Variants in PAH observed in about 807,000 individuals in gnomAD.
PAH encodes the protein phenylalanine-4-hydroxylase.
A neutral mutation model predicts 62.0 loss-of-function variants in PAH; 64 were observed. That is an observed-to-expected ratio of 1.03 (90% CI 0.84 to 1.27). PAH has a LOEUF of 1.27. Ranked by LOEUF, PAH falls within the 50% of genes most tolerant of loss-of-function variation. The pLI, the probability that PAH is intolerant of heterozygous loss-of-function variation, is 0.00. For synonymous variants in PAH, 195 were observed against 196.2 expected (o/e 0.99, Z 0.05); for missense variants, 579 against 542.8 (o/e 1.07, Z -0.66).
intron 3 of PAH, among the ~76,000 whole-genome samples, chr12:102,884,642 G>C (rs1033401935): frequency 2.0e-5 from 3 of 152,160 alleles, no homozygotes; most frequent in Non-Finnish European, 4.4e-5. Context: ...TGTGGCATCA[G>C]TCCTTGCACC....
At position 102,838,435 on chromosome 12, in the gene PAH, TACCA is replaced by T. The variant is rs1214428391; in HGVS notation, c.*736_*739del. The T allele has an allele frequency of 6.6e-6, 1 of 152,222 alleles. No homozygotes were observed. The highest frequency in any genetic ancestry group is 1.5e-5 in the Non-Finnish European group (1 of 68,040). The allele number at this position is 152,222 out of a possible 1,614,324, so 9.4% of individuals were successfully genotyped here. A position where few individuals can be genotyped will look rare whatever the true frequency, so the allele number is the denominator to read the frequency against. On this transcript the variant is annotated 3_prime_UTR_variant, in exon 13 of 13. Transcript: ENST00000553106. ...ATTCAGTGAACATTTCCTGAATATC[TACCA>T]ACCAAGCCTTTAGTCAACATCTGCT...
At chr12:102,921,896 T>C (rs1878559160), upstream of PAH, among the ~76,000 whole-genome samples, 1 of 152,198 alleles carries the variant, frequency 6.6e-6, no homozygotes, top group Admixed American at 6.5e-5. Context: ...TTTTTTGCTG[T>C]ATTTTTATTT....
chr12:102,848,980 C>A (rs376210816), intron 8 of PAH, among the ~76,000 whole-genome samples: 12 of 151,902 alleles, frequency 7.9e-5, no homozygotes, highest in African/African-American at 2.4e-4. Context: ...CACCAGGAGA[C>A]TGGAGAGGCT....
At chr12:102,921,800 C>T, upstream of PAH, among the ~76,000 whole-genome samples, 1 of 152,164 alleles carries the variant, frequency 6.6e-6, no homozygotes, top group Non-Finnish European at 1.5e-5. Flanking sequence ...GGGATTTTCT[C>T]ACCATAGAGC....
intron 3 of PAH, among the ~76,000 whole-genome samples, chr12:102,894,236 T>C (rs1204025993): frequency 6.6e-6 from 1 of 152,132 alleles, no homozygotes; most frequent in African/African-American, 2.4e-5. Context: ...ATGGGTTTTG[T>C]TGAAAATTAG....
In PAH at chr12:102,874,490, C is replaced by T. The variant is rs541031411; in HGVS notation, c.441+2972G>A. On this transcript the variant is annotated intron_variant, in intron 4 of 12. Transcript: ENST00000553106. ...CACAGATGATGTTACACGGCCCTCT[C>T]CCTCTGAGATTTCTTATCTGAAAAT... Among the ~76,000 whole-genome samples the T allele has an allele frequency of 2.6e-5, 4 of 152,274 alleles. No homozygotes were observed. In the South Asian group the frequency reaches 8.3e-4, roughly 32 times the overall value.
chr12:102,869,274 A>T (rs1876199071), intron 4 of PAH, among the ~76,000 whole-genome samples: 1 of 152,166 alleles, frequency 6.6e-6, no homozygotes, highest in Non-Finnish European at 1.5e-5. Context: ...CTAATGTAAT[A>T]CTGTATACCC....
At chr12:102,852,707 C>A in intron 7 of PAH, 108 bp downstream of exon 7, 2 of 1,366,252 alleles carry the variant, frequency 1.5e-6, no homozygotes, top group African/African-American at 2.8e-5. Flanking sequence ...ACAGTCTAGA[C>A]AACTAGTCCT....
intron 2 of PAH, among the ~76,000 whole-genome samples, chr12:102,895,462 T>C (rs907581640): frequency 2.4e-4 from 36 of 152,148 alleles, no homozygotes; most frequent in Non-Finnish European, 3.7e-4. Context: ...GCTTCATAAG[T>C]TCATTGGGAG....
rs1057004052 is a variant in PAH at position 102,881,175 on chromosome 12, G to A, written c.353-3625C>T. 6.6e-5 allele frequency among the ~76,000 whole-genome samples: 10 copies of A among 150,986 alleles called. No individual in the cohort carries two copies. In the East Asian group the frequency reaches 1.6e-3, roughly 24 times the overall value. The stretch of plus-strand genomic sequence containing the variant: ...AATACAGGTGCGTGCCACCACACTC[G>A]GCTAATTTTTGTACTTTTAGTAGAG... On this transcript the variant is annotated intron_variant, in intron 3 of 12. Coordinates refer to ENST00000553106, the MANE Select transcript of PAH (RefSeq NM_000277.3).
intron 1 of PAH, among the ~76,000 whole-genome samples, chr12:102,929,437 G>A (rs1367912270): frequency 6.6e-6 from 1 of 152,138 alleles, no homozygotes; most frequent in East Asian, 1.9e-4. Context: ...CAGGCAGAAG[G>A]AATAGCATGA....
At chr12:102,864,889 C>T (rs776013953) in intron 5 of PAH, among the ~76,000 whole-genome samples, 1 of 151,176 alleles carries the variant, frequency 6.6e-6, no homozygotes, top group African/African-American at 2.4e-5. Flanking sequence ...AAAAAGAGCA[C>T]CGAAAGCTTA....
intron 1 of PAH, among the ~76,000 whole-genome samples, chr12:102,946,957 C>T (rs180865354): frequency 7.9e-5 from 12 of 152,004 alleles, no homozygotes; most frequent in African/African-American, 2.9e-4. Flanking sequence ...TGTTCTGATG[C>T]CTTTTATACG....
intron 1 of PAH, among the ~76,000 whole-genome samples, chr12:102,934,093 A>T (rs1408697847): frequency 6.6e-6 from 1 of 151,812 alleles, no homozygotes; most frequent in African/African-American, 2.4e-5. Flanking sequence ...TTTTGATTTG[A>T]TTTTTTAATA....
intron 11 of PAH, among the ~76,000 whole-genome samples, chr12:102,843,126 A>T (rs184351382): frequency 6.6e-6 from 1 of 152,250 alleles, no homozygotes; most frequent in Admixed American, 6.5e-5. Flanking sequence ...AAAAACAGAA[A>T]ATAGAAAGAA....
intron 11 of PAH, among the ~76,000 whole-genome samples, chr12:102,842,148 A>G (rs1396879147): frequency 2.0e-5 from 3 of 152,134 alleles, no homozygotes; most frequent in Non-Finnish European, 2.9e-5. Context: ...CTTGCTGGTT[A>G]GAGAGTTGTC....
chr12:102,902,649 GA>G (rs1877809109), intron 2 of PAH, among the ~76,000 whole-genome samples: 1 of 152,172 alleles, frequency 6.6e-6, no homozygotes, highest in Admixed American at 6.5e-5. Context: ...GCATTTACAG[GA>G]AACCAGAAAT....
At chr12:102,878,106 T>C (rs937786006) in intron 3 of PAH, among the ~76,000 whole-genome samples, 1 of 152,206 alleles carries the variant, frequency 6.6e-6, no homozygotes, top group African/African-American at 2.4e-5. Context: ...ATTACAGGCA[T>C]GAGCCACTGC....
At chr12:102,866,117 C>A (rs1040781903) in intron 5 of PAH, among the ~76,000 whole-genome samples, 3 of 149,962 alleles carry the variant, frequency 2.0e-5, no homozygotes, top group African/African-American at 7.3e-5. Context: ...TTGTCCTTCA[C>A]AGCTGGGTCA....
Sources: gnomAD v4.1 joint callset for allele counts (sites outside exome capture counted in the v4.1 genomes callset) on GRCh38, gnomAD v4.1.1 for gene constraint, MANE v1.5 for transcripts, NCBI Gene and HGNC (gene_info 2026-07-23, HGNC 2026-07-21) for gene names.